ARHGEF26: variants seen among roughly 807,000 people sequenced by gnomAD.
The protein encoded by ARHGEF26 is Rho guanine nucleotide exchange factor 26.
A neutral mutation model predicts 89.4 loss-of-function variants in ARHGEF26; 59 were observed. The observed-to-expected ratio is 0.66, with a 90% CI of 0.54 to 0.82. The LOEUF (loss-of-function observed/expected upper bound fraction) is 0.82, where lower values mean the gene tolerates loss of function less well. Ranked by LOEUF, ARHGEF26 falls within the 40% of genes least tolerant of loss-of-function variation. The probability of loss-of-function intolerance (pLI) is 0.00; values close to 1 mark genes in which losing one functional copy is unlikely to be tolerated. For missense variants in ARHGEF26, 1,234 were observed against 1,085.6 expected, an observed-to-expected ratio of 1.14 and a Z score of -1.92; for synonymous variants, 500 against 428.4, an observed-to-expected ratio of 1.17 and a Z score of -2.06.
chr3:154,170,320 G>A (rs936646971), intron 6 of ARHGEF26, among the ~76,000 whole-genome samples: 1 of 152,138 alleles, frequency 6.6e-6, no homozygotes, highest in African/African-American at 2.4e-5. Flanking sequence ...CTATGATTGT[G>A]CCACTGCACT....
chr3:154,186,547 G>C (rs955015368), intron 6 of ARHGEF26, among the ~76,000 whole-genome samples: 1 of 152,026 alleles, frequency 6.6e-6, no homozygotes, highest in Admixed American at 6.6e-5. Flanking sequence ...GATCAGTTGA[G>C]GTCAGGAGTT....
intron 3 of ARHGEF26, among the ~76,000 whole-genome samples, chr3:154,126,872 A>G (rs923418532): frequency 4.6e-5 from 7 of 152,220 alleles, no homozygotes; most frequent in Non-Finnish European, 7.3e-5. Flanking sequence ...CACAGAGCGT[A>G]CTTAAACAAA....
chr3:154,221,976 ATTTACT>A (rs1716159798), intron 10 of ARHGEF26, among the ~76,000 whole-genome samples: 1 of 152,168 alleles, frequency 6.6e-6, no homozygotes, highest in Non-Finnish European at 1.5e-5. Context: ...TTGGTTGCAA[ATTTACT>A]AAGTAGTGCC....
At chr3:154,218,007 A>T in intron 10 of ARHGEF26, 49 bp downstream of exon 10, 3 of 1,466,990 alleles carry the variant, frequency 2.0e-6, no homozygotes, top group South Asian at 1.2e-5. Flanking sequence ...TTTTTCTCTA[A>T]ATAGAGAGAG....
At chr3:154,238,679 T>C (rs1054634791) in intron 11 of ARHGEF26, among the ~76,000 whole-genome samples, 6 of 152,226 alleles carry the variant, frequency 3.9e-5, no homozygotes, top group African/African-American at 1.4e-4. Flanking sequence ...TCCTAGCGTA[T>C]ATTAGAATTT....
intron 4 of ARHGEF26, among the ~76,000 whole-genome samples, chr3:154,136,386 T>C (rs1719010771): frequency 6.6e-6 from 1 of 152,160 alleles, no homozygotes; most frequent in African/African-American, 2.4e-5. Context: ...AGATCTAGAA[T>C]TCAGACCTCA....
chr3:154,240,960 A>T (rs575936642), intron 12 of ARHGEF26, among the ~76,000 whole-genome samples: 1 of 152,348 alleles, frequency 6.6e-6, no homozygotes, highest in East Asian at 1.9e-4. Flanking sequence ...AGGTAATGGA[A>T]TTCAGGTCGT....
intron 3 of ARHGEF26, among the ~76,000 whole-genome samples, chr3:154,127,776 C>T (rs1309077417): frequency 6.8e-6 from 1 of 146,240 alleles, no homozygotes; most frequent in Non-Finnish European, 1.5e-5. Context: ...GGTTTGTTTA[C>T]ACCAGCATTA....
At chr3:154,162,996 C>T (rs1711763148) in intron 6 of ARHGEF26, among the ~76,000 whole-genome samples, 1 of 152,168 alleles carries the variant, frequency 6.6e-6, no homozygotes, top group Non-Finnish European at 1.5e-5. Flanking sequence ...CCAATTTTCA[C>T]TTTGCAAACA....
intron 3 of ARHGEF26, among the ~76,000 whole-genome samples, chr3:154,128,614 G>T (rs1718480068): frequency 6.6e-6 from 1 of 152,070 alleles, no homozygotes; most frequent in South Asian, 2.1e-4. Flanking sequence ...GCTGCTCTTG[G>T]TACATACAGA....
intron 6 of ARHGEF26, among the ~76,000 whole-genome samples, chr3:154,163,602 G>C (rs1212147287): frequency 6.6e-6 from 1 of 152,180 alleles, no homozygotes; most frequent in Non-Finnish European, 1.5e-5. Context: ...CATGGAGCTA[G>C]TCAGACGGAG....
chr3:154,204,218 C>T (rs1316308009), intron 9 of ARHGEF26, among the ~76,000 whole-genome samples: 2 of 151,426 alleles, frequency 1.3e-5, no homozygotes, highest in African/African-American at 4.9e-5. Flanking sequence ...TTGGTTCAAT[C>T]TTGGTAGGTG....
intron 10 of ARHGEF26, among the ~76,000 whole-genome samples, chr3:154,219,599 AAAAAG>A (rs1715990332): frequency 6.7e-6 from 1 of 148,254 alleles, no homozygotes; most frequent in African/African-American, 2.6e-5. Flanking sequence ...TTAAAAAAAA[AAAAAG>A]AAAAAGAAAA....
At position 154,122,302 on chromosome 3, in the gene ARHGEF26, G is replaced by A; in HGVS notation, c.310G>A (p.Ala104Thr). ...GGTASPEYRA[A>T]SPRLRRPKSP... is the part of the protein sequence containing the mutation. ...GACGGCATCCCCGGAGTACAGGGCT[G>A]CCTCTCCTCGACTTCGACGGCCCAA... Residue 104 changes from alanine (A) to threonine (T), a missense_variant, in exon 2 of 15, where the codon GCC becomes ACC. By Grantham distance (58) the Ala-to-Thr change is moderately conservative. Coordinates refer to ENST00000465093, the MANE Select transcript of ARHGEF26 (RefSeq NM_015595.4). 6.2e-7 allele frequency: 1 copy of A among 1,612,730 alleles called. No homozygotes were observed. The highest frequency in any genetic ancestry group is 8.5e-7 in the Non-Finnish European group (1 of 1,179,832).
chr3:154,127,185 ATTAAATT>A (rs1560039284), intron 3 of ARHGEF26, among the ~76,000 whole-genome samples: 1 of 152,186 alleles, frequency 6.6e-6, no homozygotes, highest in Non-Finnish European at 1.5e-5. Context: ...TTTAAGCTAT[ATTAAATT>A]TTAAAGAAAC....
intron 6 of ARHGEF26, among the ~76,000 whole-genome samples, chr3:154,171,794 A>G (rs1712458032): frequency 6.6e-6 from 1 of 152,132 alleles, no homozygotes; most frequent in South Asian, 2.1e-4. Flanking sequence ...TATTGGAGAA[A>G]GACTAGAGAT....
chr3:154,137,813 T>TTA (rs1553783746), intron 4 of ARHGEF26, among the ~76,000 whole-genome samples: 6 of 139,364 alleles, frequency 4.3e-5, no homozygotes, highest in African/African-American at 1.6e-4. Context: ...CCCTATCTCT[T>TTA]AAAAAAAAAA....
At chr3:154,192,429 T>C (rs923737000) in intron 8 of ARHGEF26, among the ~76,000 whole-genome samples, 1 of 152,260 alleles carries the variant, frequency 6.6e-6, no homozygotes, top group Non-Finnish European at 1.5e-5. Context: ...AGCTGACTGC[T>C]GCAGTTTTGG....
chr3:154,122,426 G>A lies in ARHGEF26; in HGVS notation c.434G>A (p.Arg145His), dbSNP rs754939922. 33 of 1,610,916 alleles carry A rather than the reference G, an allele frequency of 2.0e-5. No homozygotes were observed. The East Asian group carries it at 6.9e-4, about 34-fold the overall frequency. ...LPAPPPPPVL[R>H]PPRTPNAPAP... ...GCGCCGCCGCCGCCGCCGGTTCTGC[G>A]CCCCCCGCGGACTCCTAACGCGCCC... Residue 145 changes from arginine to histidine, a missense_variant, in exon 2 of 15, where the codon CGC becomes CAC. Arg to His is a conservative substitution (Grantham distance 29). Transcript: ENST00000465093.
Sources: allele counts gnomAD v4.1 joint callset (sites outside exome capture counted in the v4.1 genomes callset), GRCh38; gene constraint gnomAD v4.1.1; transcripts MANE v1.5; gene names NCBI Gene and HGNC (gene_info 2026-07-23, HGNC 2026-07-21).